Variants in C5 observed in about 807,000 individuals in gnomAD.
C5 encodes the protein C3 and PZP-like alpha-2-macroglobulin domain-containing protein 4.
In C5, 140 loss-of-function variants were observed where a neutral mutation model predicts 218.8. That is an observed-to-expected ratio of 0.64 (90% CI 0.56 to 0.74). The LOEUF (loss-of-function observed/expected upper bound fraction) is 0.74, where lower values mean the gene tolerates loss of function less well. C5 is among the 30% of genes least tolerant of loss of function. C5 has a pLI of 0.00. For synonymous variants in C5, 614 were observed against 682.3 expected, an observed-to-expected ratio of 0.90 and a Z score of 1.56; for missense variants, 1,700 against 1,969.6, an observed-to-expected ratio of 0.86 and a Z score of 2.59.
chr9:121,013,729 AT>A (rs41309860), intron 17 of C5, 143 bp downstream of exon 17: 66 of 777,042 alleles, frequency 8.5e-5, no homozygotes, highest in South Asian at 1.5e-4. Context: ...AAAATGAAGG[AT>A]TTTTTTTTCT....
At chr9:120,981,647 T>C (rs1337909594) in intron 27 of C5, among the ~76,000 whole-genome samples, 197 bp downstream of exon 27, 1 of 152,232 alleles carries the variant, frequency 6.6e-6, no homozygotes, top group Non-Finnish European at 1.5e-5. Context: ...CAACTGCCGA[T>C]GAGTAGGTTG....
At chr9:120,984,641 T>C (rs1195080188) in intron 25 of C5, among the ~76,000 whole-genome samples, 6 of 150,806 alleles carry the variant, frequency 4.0e-5, no homozygotes, top group Non-Finnish European at 8.8e-5. Context: ...GGATCAATTA[T>C]AAAGATTAAA....
intron 27 of C5, among the ~76,000 whole-genome samples, chr9:120,981,516 C>T (rs2046992445): frequency 6.6e-6 from 1 of 152,176 alleles, no homozygotes; most frequent in Non-Finnish European, 1.5e-5. Context: ...GACAGAGAAG[C>T]TGGGGGCACT....
chr9:120,967,630 G>A (rs899062509), intron 33 of C5, among the ~76,000 whole-genome samples: 1 of 152,172 alleles, frequency 6.6e-6, no homozygotes, highest in African/African-American at 2.4e-5. Flanking sequence ...CTGTGTTTCA[G>A]TCCTGGCTCT....
At position 121,027,188 on chromosome 9, in the gene C5, A is replaced by G; in HGVS notation, c.845T>C (p.Met282Thr). ...REDLKDDQKE[M>T]MQTAMQNTML... is the part of the protein sequence containing the mutation. ...TGTGTTTTGCATTGCTGTTTGCATC[A>G]TTTCTTTTTGATCATCTTTTAAGTC... Residue 282 changes from methionine to threonine, a missense_variant, in exon 8 of 41, where the codon ATG becomes ACG. By Grantham distance (81) the Met-to-Thr change is moderately conservative (BLOSUM62 -1). Coordinates refer to ENST00000223642, the MANE Select transcript of C5 (RefSeq NM_001735.3). The G allele has an allele frequency of 6.3e-7, 1 of 1,596,698 alleles. No homozygotes were observed. Among genetic ancestry groups the G allele is most frequent in the South Asian group, 1.1e-5 (1 of 89,728 alleles).
intron 8 of C5, chr9:121,025,820 GGTAATA>G: frequency 2.5e-6 from 1 of 396,956 alleles, no homozygotes; most frequent in Non-Finnish European, 4.6e-6. Context: ...AGGTCTTTTT[GGTAATA>G]GCTGACAAAC....
intron 7 of C5, among the ~76,000 whole-genome samples, chr9:121,029,582 C>T (rs1424499723): frequency 6.6e-6 from 1 of 152,154 alleles, no homozygotes; most frequent in African/African-American, 2.4e-5. Flanking sequence ...ATGACCTAAG[C>T]TTTTGTGATA....
chr9:120,970,656 T>A (rs2046904721), intron 31 of C5, among the ~76,000 whole-genome samples: 1 of 152,192 alleles, frequency 6.6e-6, no homozygotes, highest in African/African-American at 2.4e-5. Flanking sequence ...TATAGGTGTG[T>A]ATGAATGGGC....
At position 120,953,846 on chromosome 9, in the gene C5, G is replaced by A. The variant is rs79033710; in HGVS notation, c.4785C>T (p.Asp1595=). The change falls in exon 40 of 41, where the codon GAC becomes GAT. Residue 1595 remains aspartate (D), a synonymous_variant. Transcript: ENST00000223642. ...CCTTTTTAATGAAGGTAATCTCAGA[G>A]TCTTTCTCAGCAACAGCTTCCCCTG... ...YKTGEAVAEK[D]SEITFIKKVT... The A allele has an allele frequency of 4.9e-4, 783 of 1,614,030 alleles. 3 individuals carry two copies. The highest frequency in any genetic ancestry group is 4.0e-4 in the Admixed American group (24 of 60,024).
intron 8 of C5, among the ~76,000 whole-genome samples, chr9:121,026,285 T>C (rs6478494): frequency 0.75 from 114,085 of 152,068 alleles, 43,248 homozygotes; most frequent in East Asian, 0.99. Flanking sequence ...ATGTAAAGAA[T>C]GCTGAATAAG....
At position 121,017,777 on chromosome 9, in the gene C5, T is replaced by A; in HGVS notation, c.1582A>T (p.Ile528Phe). ...FSDASYQSIN[I>F]PVTQNMVPSS... ...GGAACCATGTTCTGTGTTACTGGAA[T>A]GTTTATACTTTGATAAGATGCATCT... The change falls in exon 13 of 41, where the codon ATT becomes TTT. Residue 528 changes from isoleucine to phenylalanine, a missense_variant. Transcript: ENST00000223642. 6 of 1,613,804 alleles carry A rather than the reference T, an allele frequency of 3.7e-6. No homozygotes were observed. Among genetic ancestry groups the A allele is most frequent in the Non-Finnish European group, 5.1e-6 (6 of 1,179,734 alleles).
intron 2 of C5, 107 bp downstream of exon 2, chr9:121,046,084 G>C (rs1009956100): frequency 1.5e-5 from 8 of 527,972 alleles, no homozygotes; most frequent in African/African-American, 2.0e-5. Flanking sequence ...TCCCACAGTG[G>C]ATGTAAATGA....
intron 8 of C5, among the ~76,000 whole-genome samples, chr9:121,026,486 G>C (rs765831459): frequency 6.6e-6 from 1 of 152,098 alleles, no homozygotes; most frequent in Non-Finnish European, 1.5e-5. Context: ...AGTAAAGAAG[G>C]GTTTCTCAAC....
intron 1 of C5, among the ~76,000 whole-genome samples, chr9:121,046,679 C>A (rs1183462746): frequency 2.0e-5 from 3 of 152,088 alleles, no homozygotes; most frequent in African/African-American, 4.8e-5. Flanking sequence ...ATCATGTTGA[C>A]CAGAACATGT....
At chr9:120,966,181 C>T (rs2046866381) in intron 33 of C5, among the ~76,000 whole-genome samples, 1 of 152,170 alleles carries the variant, frequency 6.6e-6, no homozygotes, top group South Asian at 2.1e-4. Flanking sequence ...AAGCATATTC[C>T]ACCCGCCTTT....
intron 25 of C5, among the ~76,000 whole-genome samples, chr9:120,983,564 C>T (rs1277417158): frequency 6.6e-6 from 1 of 152,114 alleles, no homozygotes; most frequent in Non-Finnish European, 1.5e-5. Flanking sequence ...GTATTTTAAG[C>T]ATTTTTTTAA....
At chr9:120,978,952 C>T (rs1418931194) in intron 28 of C5, among the ~76,000 whole-genome samples, 2 of 152,176 alleles carry the variant, frequency 1.3e-5, no homozygotes, top group Non-Finnish European at 2.9e-5. Flanking sequence ...CAGCCCTAAA[C>T]TAGGGTATGT....
chr9:120,970,388 G>A, intron 31 of C5, 137 bp from the exon 32 acceptor site: 2 of 701,794 alleles, frequency 2.8e-6, no homozygotes, highest in East Asian at 2.7e-5. Flanking sequence ...GTACATTAGT[G>A]ACTCATTTTT....
chr9:120,967,684 T>C (rs58328848), intron 33 of C5, among the ~76,000 whole-genome samples: 17,103 of 152,092 alleles, frequency 0.11, 1,476 homozygotes, highest in African/African-American at 0.24. Context: ...GCCAAAAGTA[T>C]ATACATATTT....
Sources: gnomAD v4.1 joint callset for allele counts (sites outside exome capture counted in the v4.1 genomes callset) on GRCh38, gnomAD v4.1.1 for gene constraint, MANE v1.5 for transcripts, NCBI Gene and HGNC (gene_info 2026-07-23, HGNC 2026-07-21) for gene names.